PNLIPRP1: variants seen among roughly 807,000 people sequenced by gnomAD.
PNLIPRP1 encodes the protein pancreatic lipase related protein 1, also known as inactive pancreatic lipase-related protein 1.
A neutral mutation model predicts 54.6 loss-of-function variants in PNLIPRP1; 57 were observed. The ratio of observed to expected loss-of-function variants is 1.04; its 90% CI spans 0.84 to 1.30. PNLIPRP1 has a LOEUF of 1.30. PNLIPRP1 is among the 50% of genes most tolerant of loss of function. The pLI, the probability that PNLIPRP1 is intolerant of heterozygous loss-of-function variation, is 0.00. For synonymous variants in PNLIPRP1, 232 were observed against 208.8 expected, an observed-to-expected ratio of 1.11 and a Z score of -0.96; for missense variants, 567 against 568.5, an observed-to-expected ratio of 1.00 and a Z score of 0.03.
chr10:116,604,876 A>G (rs1254585947), intron 11 of PNLIPRP1, among the ~76,000 whole-genome samples: 2 of 151,742 alleles, frequency 1.3e-5, no homozygotes, highest in Non-Finnish European at 2.9e-5. Flanking sequence ...TTTAGTAGAG[A>G]TGGGGGGCGT....
chr10:116,605,439 A>G lies in PNLIPRP1; in HGVS notation c.1226A>G (p.Asp409Gly). ...THSYEFDAKL[D>G]VGTIEKVKFL... ...TCCTATGAGTTTGATGCAAAGCTGG[A>G]TGTTGGAACAATTGAGAAAGTCAAG... The change falls in exon 12 of 13, where the codon GAT becomes GGT. Residue 409 changes from aspartate to glycine, a missense_variant. By Grantham distance (94) the Asp-to-Gly change is moderately conservative (BLOSUM62 -1). Coordinates refer to ENST00000358834, the MANE Select transcript of PNLIPRP1 (RefSeq NM_006229.4). 6.2e-7 allele frequency: 1 copy of G among 1,612,034 alleles called. No homozygotes were observed. The highest frequency in any genetic ancestry group is 8.5e-7 in the Non-Finnish European group (1 of 1,178,304).
chr10:116,597,969 C>A (rs782203220), intron 7 of PNLIPRP1, 22 bp downstream of exon 7: 1 of 1,614,044 alleles, frequency 6.2e-7, no homozygotes, highest in East Asian at 2.2e-5. Flanking sequence ...GATGCTCCAG[C>A]TGTGAGCACG....
chr10:116,599,996 C>T, intron 8 of PNLIPRP1, 51 bp from the exon 9 acceptor site: 1 of 1,126,052 alleles, frequency 8.9e-7, no homozygotes, highest in Non-Finnish European at 1.4e-6. Context: ...GGCAGAGAAG[C>T]TGTTACAGGC....
chr10:116,591,482 T>C (rs1359402491), intron 2 of PNLIPRP1, among the ~76,000 whole-genome samples: 1 of 152,196 alleles, frequency 6.6e-6, no homozygotes, highest in East Asian at 1.9e-4. Context: ...ATTGGTCAAA[T>C]AAATGTATCA....
chr10:116,592,801 T>C, intron 4 of PNLIPRP1: 1 of 510,818 alleles, frequency 2.0e-6, no homozygotes. Context: ...CTGCTTCCAT[T>C]TGTAGTGAGG....
chr10:116,600,201 C>T (rs1554864594), intron 9 of PNLIPRP1, 36 bp downstream of exon 9: 1 of 1,339,416 alleles, frequency 7.5e-7, no homozygotes, highest in Non-Finnish European at 1.1e-6. Flanking sequence ...ACAAGCATCA[C>T]CCCTCTGAGG....
intron 10 of PNLIPRP1, among the ~76,000 whole-genome samples, chr10:116,602,267 C>G (rs1244785017): frequency 6.6e-6 from 1 of 152,190 alleles, no homozygotes; most frequent in East Asian, 1.9e-4. Context: ...GATCCGCCTG[C>G]CTCGGCCTCC....
chr10:116,597,127 A>G (rs986579029), intron 6 of PNLIPRP1, among the ~76,000 whole-genome samples: 25 of 152,302 alleles, frequency 1.6e-4, no homozygotes, highest in African/African-American at 6.0e-4. Flanking sequence ...AACTACATTC[A>G]CGTTCCTATT....
intron 6 of PNLIPRP1, 103 bp downstream of exon 6, chr10:116,596,425 C>G (rs1277400970): frequency 1.4e-6 from 1 of 713,536 alleles, no homozygotes; most frequent in Non-Finnish European, 2.5e-6. Flanking sequence ...AGACTGTCCC[C>G]CTTGGCTGTG....
intron 9 of PNLIPRP1, among the ~76,000 whole-genome samples, chr10:116,600,725 G>A (rs1156326866): frequency 6.6e-6 from 1 of 152,190 alleles, no homozygotes; most frequent in African/African-American, 2.4e-5. Context: ...CACAGTCAGA[G>A]TATTTACACC....
chr10:116,602,998 G>A (rs1373165763), intron 10 of PNLIPRP1, among the ~76,000 whole-genome samples: 4 of 151,982 alleles, frequency 2.6e-5, no homozygotes, highest in African/African-American at 9.7e-5. Context: ...GCACGCACAT[G>A]CATGTTTGTG....
intron 10 of PNLIPRP1, among the ~76,000 whole-genome samples, chr10:116,603,082 T>C (rs1847877256): frequency 6.6e-6 from 1 of 152,234 alleles, no homozygotes; most frequent in Admixed American, 6.5e-5. Context: ...TGCATATGTT[T>C]GTGTATATGT....
chr10:116,605,215 T>C (rs1847916642), intron 11 of PNLIPRP1, among the ~76,000 whole-genome samples, 171 bp from the exon 12 acceptor site: 1 of 152,202 alleles, frequency 6.6e-6, no homozygotes. Flanking sequence ...TTAAAAACCA[T>C]AGTTTGAGGT....
At chr10:116,599,255 C>CTAAAATAAAA (rs1564737757) in intron 8 of PNLIPRP1, among the ~76,000 whole-genome samples, 95 of 61,256 alleles carry the variant, frequency 1.6e-3, no homozygotes, top group African/African-American at 4.4e-3. Flanking sequence ...AACTCCATCT[C>CTAAAATAAAA]GAAAATAAAA....
At chr10:116,594,275 C>T (rs781885190) in intron 4 of PNLIPRP1, 5 of 492,542 alleles carry the variant, frequency 1.0e-5, no homozygotes, top group East Asian at 5.7e-5. Context: ...ACTGTGTCAT[C>T]GTGACTATAA....
chr10:116,591,688 G>T, intron 2 of PNLIPRP1, 83 bp from the exon 3 acceptor site: 2 of 1,397,728 alleles, frequency 1.4e-6, no homozygotes, highest in South Asian at 1.3e-5. Flanking sequence ...CTGAATAGAA[G>T]AGTGACCAGG....
chr10:116,605,315 G>T, intron 11 of PNLIPRP1, 71 bp from the exon 12 acceptor site: 1 of 781,362 alleles, frequency 1.3e-6, no homozygotes, highest in Non-Finnish European at 2.0e-6. Flanking sequence ...AGAGAAAACA[G>T]CAGCCTGGCA....
chr10:116,593,471 A>G (rs1436073266), intron 4 of PNLIPRP1, among the ~76,000 whole-genome samples: 1 of 152,236 alleles, frequency 6.6e-6, no homozygotes, highest in Non-Finnish European at 1.5e-5. Flanking sequence ...ATACATTAAT[A>G]ACACCAACCA....
chr10:116,591,088 G>C, intron 1 of PNLIPRP1, 42 bp from the exon 2 acceptor site: 1 of 1,553,288 alleles, frequency 6.4e-7, no homozygotes, highest in South Asian at 1.1e-5. Context: ...CACTGCTCTG[G>C]CAATGCCCGG....
Sources: gnomAD v4.1 joint callset for allele counts (sites outside exome capture counted in the v4.1 genomes callset) on GRCh38, gnomAD v4.1.1 for gene constraint, MANE v1.5 for transcripts, NCBI Gene and HGNC (gene_info 2026-07-23, HGNC 2026-07-21) for gene names.